RFPL2: variants seen among roughly 807,000 people sequenced by gnomAD.
RFPL2 encodes the protein ret finger protein-like 2.
Under a neutral mutation model 17.8 loss-of-function variants are expected in RFPL2, and 13 were observed. The ratio of observed to expected loss-of-function variants is 0.73; its 90% CI spans 0.47 to 1.16. The LOEUF (loss-of-function observed/expected upper bound fraction) is 1.16, where lower values mean the gene tolerates loss of function less well. Ranked by LOEUF, RFPL2 falls within the 50% of genes most tolerant of loss-of-function variation. The pLI is 0.00. For synonymous variants in RFPL2, 189 were observed against 180.9 expected (o/e 1.04, Z -0.36); for missense variants, 431 against 479.3 (o/e 0.90, Z 0.94).
At chr22:32,197,784 C>T (rs1235437333) in intron 2 of RFPL2, among the ~76,000 whole-genome samples, 1 of 152,174 alleles carries the variant, frequency 6.6e-6, no homozygotes, top group Non-Finnish European at 1.5e-5. Context: ...ATATGTACCA[C>T]ATTTTCTTAA....
At chr22:32,202,861 C>T (rs1924085274) in intron 1 of RFPL2, 3 of 1,047,672 alleles carry the variant, frequency 2.9e-6, no homozygotes, top group Non-Finnish European at 3.5e-6. Context: ...GCCTCCTCCA[C>T]CCACAGGGCC....
At chr22:32,203,651 C>A (rs1255833202) in intron 1 of RFPL2, among the ~76,000 whole-genome samples, 1 of 151,766 alleles carries the variant, frequency 6.6e-6, no homozygotes, top group Non-Finnish European at 1.5e-5. Context: ...GCAGTGCAGC[C>A]CATGGGTAGC....
chr22:32,197,742 C>CT (rs1923499496), intron 2 of RFPL2, among the ~76,000 whole-genome samples: 2 of 152,118 alleles, frequency 1.3e-5, no homozygotes, highest in South Asian at 4.1e-4. Context: ...TGAACTCATC[C>CT]TTTTTTATGG....
chr22:32,194,082 C>CT (rs136483), intron 3 of RFPL2, among the ~76,000 whole-genome samples: 81,292 of 150,988 alleles, frequency 0.54, 24,047 homozygotes, highest in African/African-American at 0.78. Flanking sequence ...AGTTAAGACC[C>CT]GTCTCACCAA....
chr22:32,202,984 C>G, intron 1 of RFPL2: 2 of 985,854 alleles, frequency 2.0e-6, no homozygotes, highest in East Asian at 2.3e-4. Context: ...GCCCCTGCCG[C>G]GCTCAGGAAA....
intron 3 of RFPL2, 80 bp downstream of exon 3, chr22:32,194,265 T>G (rs1430965108): frequency 6.7e-7 from 1 of 1,500,268 alleles, no homozygotes; most frequent in Non-Finnish European, 9.0e-7. Flanking sequence ...ATTACGAATT[T>G]CTCTCATTCA....
At chr22:32,203,949 C>T (rs1039615226) in intron 1 of RFPL2, among the ~76,000 whole-genome samples, 41 of 151,376 alleles carry the variant, frequency 2.7e-4, no homozygotes, top group Non-Finnish European at 5.0e-4. Context: ...ATGGCGCCCC[C>T]ATCTCCCCCT....
chr22:32,200,952 G>T (rs893404965), intron 2 of RFPL2, among the ~76,000 whole-genome samples: 21 of 152,136 alleles, frequency 1.4e-4, no homozygotes, highest in African/African-American at 4.8e-4. Flanking sequence ...ACAAAAGGCC[G>T]GCAGGTGGCT....
At chr22:32,200,140 C>G (rs1315796478) in intron 2 of RFPL2, 1 of 386,312 alleles carries the variant, frequency 2.6e-6, no homozygotes, top group Non-Finnish European at 5.2e-6. Context: ...AGCCTGACAC[C>G]CCATCAATGG....
At chr22:32,200,032 C>T (rs1036186643) in intron 2 of RFPL2, 16 of 460,062 alleles carry the variant, frequency 3.5e-5, no homozygotes, top group African/African-American at 8.2e-5. Flanking sequence ...GGAGCTGTGA[C>T]GGTGGCCTGG....
rs910736526 is a variant in RFPL2, at chr22:32,191,115, T to G, written c.794A>C (p.Lys265Thr). 4.3e-6 allele frequency: 7 copies of G among 1,613,832 alleles called. No individual in the cohort carries two copies. Among genetic ancestry groups the G allele is most frequent in the Non-Finnish European group, 5.9e-6 (7 of 1,179,882 alleles). Reference sequence around the variant, plus strand: ...CTCTGTGGTCAGCTGGATCCTCCCTTTGCGGTGAACAGATTCTCTGCAGAC... The same window carrying G: ...CTCTGTGGTCAGCTGGATCCTCCCTGTGCGGTGAACAGATTCTCTGCAGAC... ...LGVCRESVHR[K>T]GRIQLTTELG... The change falls in exon 5 of 5, where the codon AAA becomes ACA. Residue 265 changes from lysine (K) to threonine (T), a missense_variant. Coordinates refer to ENST00000652607, the MANE Select transcript of RFPL2 (RefSeq NM_001394555.1).
chr22:32,202,982 C>G, intron 1 of RFPL2: 3 of 985,854 alleles, frequency 3.0e-6, no homozygotes, highest in Non-Finnish European at 3.6e-6. Flanking sequence ...GGGCCCCTGC[C>G]GCGCTCAGGA....
intron 2 of RFPL2, among the ~76,000 whole-genome samples, chr22:32,195,976 G>T (rs9621403): frequency 6.6e-6 from 1 of 151,762 alleles, no homozygotes; most frequent in African/African-American, 2.4e-5. Context: ...CCATCTAGCT[G>T]TAATTCTGTA....
In RFPL2 at chr22:32,190,847, T is replaced by C. The variant is rs753396096; in HGVS notation, c.1062A>G (p.Gln354=). Residue 354 remains glutamine, a synonymous_variant, in exon 5 of 5, where the codon CAA becomes CAG. Coordinates refer to ENST00000652607, the MANE Select transcript of RFPL2 (RefSeq NM_001394555.1). ...LAPSVPPNGD[Q]GVLSICPLMN... is the part of the protein sequence containing the mutation. ...TCAAAGGACAGATGCTCAAGACACC[T>C]TGATCACCATTAGGTGGAACTGAAG... is the stretch of plus-strand genomic sequence containing the variant. 47 of 1,574,830 alleles carry C rather than the reference T, an allele frequency of 3.0e-5. 1 individual carries two copies. The highest frequency in any genetic ancestry group is 1.7e-4 in the Middle Eastern group (1 of 5,856).
At position 32,190,844 on chromosome 22, in the gene RFPL2, AC is replaced by A. The variant is rs1922503957; in HGVS notation, c.1064del (p.Gly355ValfsTer3). On this transcript the variant is annotated frameshift_variant, in exon 5 of 5. Coordinates refer to ENST00000652607, the MANE Select transcript of RFPL2 (RefSeq NM_001394555.1). LOFTEE classifies it low-confidence loss of function (END_TRUNC). ...APSVPPNGDQGVLSICPLMNS... is the reference protein window; with the variant it reads ...APSVPPNGDQXVLSICPLMNS... ...TCATCAAAGGACAGATGCTCAAGAC[AC>A]CTTGATCACCATTAGGTGGAACTGA... 1.9e-6 allele frequency: 3 copies of A among 1,573,356 alleles called. No individual in the cohort carries two copies. In the East Asian group the frequency reaches 6.7e-5, roughly 35 times the overall value.
intron 1 of RFPL2, chr22:32,203,234 G>T: frequency 6.4e-6 from 2 of 310,202 alleles, no homozygotes; most frequent in Non-Finnish European, 9.4e-6. Flanking sequence ...CCCGCTCTGT[G>T]CTGTGGGCAG....
intron 1 of RFPL2, chr22:32,202,862 C>A: frequency 9.5e-7 from 1 of 1,047,280 alleles, no homozygotes. Context: ...CCTCCTCCAC[C>A]CACAGGGCCC....
At chr22:32,196,037 T>G (rs887768802) in intron 2 of RFPL2, among the ~76,000 whole-genome samples, 17 of 152,244 alleles carry the variant, frequency 1.1e-4, no homozygotes, top group African/African-American at 3.9e-4. Flanking sequence ...CCTCCCAGCC[T>G]CTATACCCAC....
intron 2 of RFPL2, among the ~76,000 whole-genome samples, chr22:32,198,135 T>C (rs997716417): frequency 4.6e-5 from 7 of 152,138 alleles, no homozygotes; most frequent in Admixed American, 4.6e-4. Context: ...CACCTGAGGA[T>C]GCCTCCCTGC....
Sources: allele counts gnomAD v4.1 joint callset (sites outside exome capture counted in the v4.1 genomes callset), GRCh38; gene constraint gnomAD v4.1.1; transcripts MANE v1.5; gene names NCBI Gene and HGNC (gene_info 2026-07-23, HGNC 2026-07-21).